Variants in MCU observed in about 807,000 individuals in gnomAD.
MCU encodes mitochondrial calcium uniporter.
In MCU, 12 loss-of-function variants were observed where a neutral mutation model predicts 45.2. The observed-to-expected ratio is 0.27, with a 90% CI of 0.17 to 0.43. The LOEUF is 0.43. Ranked by LOEUF, MCU falls within the 20% of genes least tolerant of loss-of-function variation. MCU has a pLI of 1.00. For synonymous variants in MCU, 160 were observed against 165.1 expected (o/e 0.97, Z 0.24); for missense variants, 324 against 436.7 (o/e 0.74, Z 2.30).
rs535868473 is a variant in MCU at position 72,796,913 on chromosome 10, T to C, written c.151-37446T>C. On this transcript the variant is annotated intron_variant, in intron 1 of 7. Transcript: ENST00000373053. Reference sequence around the variant, plus strand: ...ATGACTTTATTTTCTGATTTTGTTTTATTGCAATATGATTAAGGATTTTTA... The same window carrying C: ...ATGACTTTATTTTCTGATTTTGTTTCATTGCAATATGATTAAGGATTTTTA... 2.0e-5 allele frequency among the ~76,000 whole-genome samples: 3 copies of C among 152,266 alleles called. No individual in the cohort carries two copies. In the South Asian group the frequency reaches 6.2e-4, roughly 32 times the overall value.
intron 1 of MCU, among the ~76,000 whole-genome samples, chr10:72,710,570 T>TGGTGGA (rs1842879891): frequency 6.7e-6 from 1 of 148,400 alleles, no homozygotes; most frequent in African/African-American, 2.5e-5. Context: ...TTTTTTTTTT[T>TGGTGGA]GGTGGAGGTG....
chr10:72,733,106 C>T (rs1358047047), intron 1 of MCU, among the ~76,000 whole-genome samples: 3 of 152,198 alleles, frequency 2.0e-5, no homozygotes, highest in African/African-American at 7.2e-5. Context: ...TGAGTGACCT[C>T]GGACAAGGGA....
intron 2 of MCU, among the ~76,000 whole-genome samples, chr10:72,839,594 T>A (rs1845015955): frequency 6.6e-6 from 1 of 152,040 alleles, no homozygotes; most frequent in Non-Finnish European, 1.5e-5. Flanking sequence ...TATGGAAATA[T>A]CACATTTCTT....
At chr10:72,871,283 G>A in intron 5 of MCU, 94 bp from the exon 6 acceptor site, 1 of 1,084,442 alleles carries the variant, frequency 9.2e-7, no homozygotes, top group South Asian at 1.3e-5. Flanking sequence ...GTGTCTTGAT[G>A]ATGAGCCCTG....
intron 4 of MCU, among the ~76,000 whole-genome samples, chr10:72,868,051 C>A (rs1845484814): frequency 6.6e-6 from 1 of 152,034 alleles, no homozygotes; most frequent in African/African-American, 2.4e-5. Context: ...CTAAACCTCT[C>A]TACTAGTTTT....
In MCU at chr10:72,820,728, T is replaced by C. The variant is rs546956346; in HGVS notation, c.151-13631T>C. 1.1e-3 allele frequency among the ~76,000 whole-genome samples: 175 copies of C among 152,268 alleles called. 1 individual carries two copies. Among genetic ancestry groups the C allele is most frequent in the African/African-American group, 4.0e-3 (167 of 41,562 alleles). On this transcript the variant is annotated intron_variant, in intron 1 of 7. Coordinates refer to ENST00000373053, the MANE Select transcript of MCU (RefSeq NM_138357.3). ...GGTTTGGCCAGGCTGGCCAGGCTGG[T>C]CTCGAACTCCTGACCTCAGGTTATC...
intron 1 of MCU, among the ~76,000 whole-genome samples, chr10:72,748,891 C>A (rs949750232): frequency 1.3e-5 from 2 of 152,172 alleles, no homozygotes; most frequent in African/African-American, 2.4e-5. Context: ...AGTCATTTAG[C>A]TTCTCTAGAA....
intron 1 of MCU, among the ~76,000 whole-genome samples, chr10:72,753,008 A>G (rs1374525090): frequency 1.3e-5 from 2 of 152,208 alleles, no homozygotes; most frequent in Non-Finnish European, 2.9e-5. Context: ...ATAAAACACC[A>G]TCTTTTCTAT....
chr10:72,837,563 C>T (rs1008863648), intron 2 of MCU, among the ~76,000 whole-genome samples: 4 of 152,166 alleles, frequency 2.6e-5, no homozygotes, highest in Non-Finnish European at 4.4e-5. Flanking sequence ...AGAAACAGTA[C>T]TTATTCTGTA....
chr10:72,806,181 G>T (rs1351334001), intron 1 of MCU, among the ~76,000 whole-genome samples: 1 of 146,714 alleles, frequency 6.8e-6, no homozygotes, highest in African/African-American at 2.5e-5. Flanking sequence ...TTTTGAGACG[G>T]AGTCTCACTC....
At chr10:72,708,607 G>A (rs1842852366) in intron 1 of MCU, among the ~76,000 whole-genome samples, 1 of 152,124 alleles carries the variant, frequency 6.6e-6, no homozygotes, top group East Asian at 1.9e-4. Context: ...GTGAATGAGA[G>A]TCAAATAGTC....
At chr10:72,868,914 G>C (rs1299279919) in intron 5 of MCU, 51 bp downstream of exon 5, 3 of 1,560,392 alleles carry the variant, frequency 1.9e-6, no homozygotes, top group Non-Finnish European at 2.6e-6. Flanking sequence ...TTTTTCCAGA[G>C]CATATATGTT....
Position 72,706,735 on chromosome 10 carries a change from C to T in MCU, c.150+14434C>T, listed in dbSNP as rs747527845. On this transcript the variant is annotated intron_variant, in intron 1 of 7. Coordinates refer to ENST00000373053, the MANE Select transcript of MCU (RefSeq NM_138357.3). The stretch of plus-strand genomic sequence containing the variant: ...TACTTGTAGTAGAGACGGGGTTTCA[C>T]CATGTTGGCCAGAATGGTCTCGATC... Among the ~76,000 whole-genome samples the T allele has an allele frequency of 1.6e-3, 246 of 151,646 alleles. 5 individuals are homozygous for T. Among genetic ancestry groups the T allele is most frequent in the Non-Finnish European group, 2.9e-4 (20 of 67,932 alleles).
intron 6 of MCU, among the ~76,000 whole-genome samples, chr10:72,879,211 T>G (rs1589511078): frequency 6.6e-6 from 1 of 152,074 alleles, no homozygotes; most frequent in Admixed American, 6.6e-5. Context: ...TGCAGTGAAC[T>G]GAGATCACAC....
In MCU at chr10:72,884,344, C is replaced by G. The variant is rs772417499; in HGVS notation, c.940C>G (p.Leu314Val). 2 of 1,611,178 alleles carry G rather than the reference C, an allele frequency of 1.2e-6. No individual in the cohort carries two copies. Among genetic ancestry groups the G allele is most frequent in the Non-Finnish European group, 1.7e-6 (2 of 1,177,676 alleles). Residue 314 changes from leucine (L) to valine (V), a missense_variant, in exon 7 of 8, where the codon CTA becomes GTA. By Grantham distance (32) the Leu-to-Val change is conservative (BLOSUM62 1). Around this residue, in one of 4 missense-constraint regions of MCU, gnomAD observed 76 missense variants for 99.4 expected, o/e 0.76. Transcript: ENST00000373053. ...HKGAKKSRFDLEKYNQLKDAI... is the reference protein window; with the variant it reads ...HKGAKKSRFDVEKYNQLKDAI... ...AGGAGCCAAAAAGTCACGTTTTGAC[C>G]TAGAGAAATACAATCAACTCAAGGA...
In MCU at chr10:72,700,408, C is replaced by T. The variant is rs915051666; in HGVS notation, c.150+8107C>T. The stretch of plus-strand genomic sequence containing the variant: ...TCAAAGTCAGTCTTGAATAATTACT[C>T]TCTAATTTAGATTAAGCTTGATAAT... On this transcript the variant is annotated intron_variant, in intron 1 of 7. Coordinates refer to ENST00000373053, the MANE Select transcript of MCU (RefSeq NM_138357.3). Among the ~76,000 whole-genome samples, 3 of 152,164 alleles carry T rather than the reference C, an allele frequency of 2.0e-5. No homozygotes were observed. In the East Asian group the frequency reaches 5.8e-4, roughly 29 times the overall value.
intron 2 of MCU, among the ~76,000 whole-genome samples, chr10:72,834,761 A>G (rs1456388987): frequency 6.6e-6 from 1 of 152,136 alleles, no homozygotes; most frequent in Non-Finnish European, 1.5e-5. Context: ...TCCTGGATTC[A>G]AGCAATTCTC....
chr10:72,723,607 C>T (rs1046235892), intron 1 of MCU, among the ~76,000 whole-genome samples: 4 of 152,068 alleles, frequency 2.6e-5, no homozygotes, highest in Admixed American at 2.0e-4. Flanking sequence ...AAGAAAAAAA[C>T]CCATGTAACT....
chr10:72,791,339 A>G (rs76678004), intron 1 of MCU, among the ~76,000 whole-genome samples: 1 of 152,184 alleles, frequency 6.6e-6, no homozygotes, highest in East Asian at 1.9e-4. Context: ...AATGTTGTGT[A>G]TAGACTGTAA....
Sources: allele counts gnomAD v4.1 joint callset (sites outside exome capture counted in the v4.1 genomes callset), GRCh38; gene constraint gnomAD v4.1.1; regional missense constraint gnomAD v4.1.1; transcripts MANE v1.5; gene names NCBI Gene and HGNC (gene_info 2026-07-23, HGNC 2026-07-21).